The following CEP89 variants were observed in gnomAD, a reference collection of about 807,000 sequenced individuals.
CEP89 encodes centrosomal protein 89.
A neutral mutation model predicts 97.6 loss-of-function variants in CEP89; 95 were observed. The ratio of observed to expected loss-of-function variants is 0.97; its 90% CI spans 0.82 to 1.15. CEP89 has a LOEUF of 1.15. Among genes scored for constraint, CEP89 ranks in the 50% most tolerant of loss-of-function variants. The pLI is 0.00. For synonymous variants in CEP89, 354 were observed against 349.1 expected, an observed-to-expected ratio of 1.01 and a Z score of -0.16; for missense variants, 869 against 947.7, an observed-to-expected ratio of 0.92 and a Z score of 1.09.
intron 12 of CEP89, among the ~76,000 whole-genome samples, chr19:32,919,244 C>T (rs1430156449): frequency 6.6e-6 from 1 of 152,116 alleles, no homozygotes; most frequent in African/African-American, 2.4e-5. Context: ...ACAAACAAAT[C>T]CTCTCCTTCC....
intron 4 of CEP89, among the ~76,000 whole-genome samples, chr19:32,950,385 C>T (rs186289556): frequency 9.9e-5 from 15 of 152,212 alleles, no homozygotes; most frequent in Admixed American, 3.9e-4. Context: ...ATGGAGAAAC[C>T]TTGTCTCTAC....
chr19:32,969,023 G>A (rs1472263534), intron 1 of CEP89: 1 of 152,174 alleles, frequency 6.6e-6, no homozygotes, highest in East Asian at 1.9e-4. Flanking sequence ...ACAGAGAGGA[G>A]GCCCTGGAGA....
intron 14 of CEP89, among the ~76,000 whole-genome samples, chr19:32,902,010 C>CTCTCTCTGTGTGTGTGTGTGTGTGTG (rs1207481256): frequency 7.5e-6 from 1 of 133,732 alleles, no homozygotes; most frequent in Non-Finnish European, 1.6e-5. Flanking sequence ...CTCTCTCTCT[C>CTCTCTCTGTGTGTGTGTGTGTGTGTG]TGTGTGTGTG....
intron 2 of CEP89, among the ~76,000 whole-genome samples, chr19:32,964,080 C>T (rs1349886568): frequency 6.6e-6 from 1 of 152,052 alleles, no homozygotes; most frequent in Non-Finnish European, 1.5e-5. Context: ...AATAGTTTGA[C>T]AGTTCCTTAA....
intron 12 of CEP89, among the ~76,000 whole-genome samples, chr19:32,922,916 G>T (rs1178264697): frequency 6.6e-6 from 1 of 152,056 alleles, no homozygotes; most frequent in Non-Finnish European, 1.5e-5. Context: ...CAGTGCTATA[G>T]ACAAGTGCCA....
intron 1 of CEP89, chr19:32,971,407 A>T (rs1971405742): frequency 2.3e-6 from 1 of 436,798 alleles, no homozygotes; most frequent in Non-Finnish European, 4.1e-6. Context: ...CGCCGGGCAC[A>T]GTGGCTCACG....
At chr19:32,907,425 T>C (rs1016281013) in intron 14 of CEP89, among the ~76,000 whole-genome samples, 12 of 151,790 alleles carry the variant, frequency 7.9e-5, no homozygotes, top group Admixed American at 7.2e-4. Context: ...CCATAAATGC[T>C]TTCCCTCCAA....
intron 14 of CEP89, among the ~76,000 whole-genome samples, chr19:32,914,796 C>G (rs1970085222): frequency 6.6e-6 from 1 of 152,016 alleles, no homozygotes; most frequent in Admixed American, 6.6e-5. Flanking sequence ...TCAAGGCAGG[C>G]AGATCACTTG....
intron 5 of CEP89, 109 bp downstream of exon 5, chr19:32,948,157 C>A: frequency 1.8e-6 from 1 of 570,904 alleles, no homozygotes; most frequent in Non-Finnish European, 3.1e-6. Context: ...GTTAAAATCA[C>A]AGAGCTACAG....
At chr19:32,886,083 G>T (rs1969388775) in intron 17 of CEP89, among the ~76,000 whole-genome samples, 1 of 151,964 alleles carries the variant, frequency 6.6e-6, no homozygotes, top group South Asian at 2.1e-4. Context: ...TTTCTTCCTG[G>T]CTCTGACTGC....
At chr19:32,883,394 C>G in intron 17 of CEP89, among the ~76,000 whole-genome samples, 1 of 152,070 alleles carries the variant, frequency 6.6e-6, no homozygotes, top group East Asian at 1.9e-4. Flanking sequence ...TGGCTCACGC[C>G]TGTAATCCCA....
At chr19:32,903,816 A>G (rs1402628214) in intron 14 of CEP89, among the ~76,000 whole-genome samples, 1 of 152,200 alleles carries the variant, frequency 6.6e-6, no homozygotes, top group Non-Finnish European at 1.5e-5. Context: ...AACTTGATGA[A>G]AAATACACAC....
rs778707403 is a variant in CEP89 at position 32,915,435 on chromosome 19, C to T, written c.1467G>A (p.Gln489=). ...QEKELAENRE[Q]LEILRAKCQE... ...GGCATTTGGCACGTAAAATCTCCAGCTGTTCCCTGTTCTCCGCCAGCTCCT... is the reference window on the plus strand; with the variant it reads ...GGCATTTGGCACGTAAAATCTCCAGTTGTTCCCTGTTCTCCGCCAGCTCCT... Residue 489 remains glutamine (Q), a synonymous_variant, in exon 14 of 19, where the codon CAG becomes CAA. Transcript: ENST00000305768. 1 of 1,613,950 alleles carries T rather than the reference C, an allele frequency of 6.2e-7. No homozygotes were observed. The highest frequency in any genetic ancestry group is 8.5e-7 in the Non-Finnish European group (1 of 1,179,982).
intron 14 of CEP89, among the ~76,000 whole-genome samples, chr19:32,904,494 G>C (rs1412486012): frequency 1.3e-5 from 2 of 151,946 alleles, no homozygotes; most frequent in African/African-American, 4.8e-5. Context: ...ACATCTATTT[G>C]TGAAGCTTTG....
chr19:32,926,867 T>A, intron 10 of CEP89, 67 bp downstream of exon 10: 5 of 1,424,410 alleles, frequency 3.5e-6, no homozygotes, highest in Non-Finnish European at 3.9e-6. Flanking sequence ...TGGCCTGAAA[T>A]GGTTTTTAAT....
chr19:32,939,845 A>C lies in CEP89; in HGVS notation c.624+12T>G, dbSNP rs1278346677. The C allele has an allele frequency of 8.4e-7, 1 of 1,183,846 alleles. No homozygotes were observed. The highest frequency in any genetic ancestry group is 1.5e-5 in the African/African-American group (1 of 65,086). The allele number at this position is 1,183,846 out of a possible 1,614,324, so 73.3% of individuals were successfully genotyped here. ...TATTGAGAAAATCAGTTTTTAAAAAAAATGATCTTACCTTTAAATTCAGAA... is the reference window on the plus strand; with the variant it reads ...TATTGAGAAAATCAGTTTTTAAAAACAATGATCTTACCTTTAAATTCAGAA... On this transcript the variant is annotated intron_variant, in intron 6 of 18. Transcript: ENST00000305768.
intron 17 of CEP89, among the ~76,000 whole-genome samples, chr19:32,887,420 A>G (rs1969422638): frequency 6.6e-6 from 1 of 151,826 alleles, no homozygotes; most frequent in African/African-American, 2.4e-5. Context: ...GGGTCTTGCT[A>G]TGTTACCAGA....
chr19:32,890,839 C>T (rs1182082764), intron 16 of CEP89, among the ~76,000 whole-genome samples: 2 of 152,136 alleles, frequency 1.3e-5, no homozygotes, highest in African/African-American at 4.8e-5. Flanking sequence ...GACCCAGGTT[C>T]CAGGTAGCTG....
At chr19:32,955,396 T>A (rs1688531649) in intron 3 of CEP89, among the ~76,000 whole-genome samples, 1 of 152,244 alleles carries the variant, frequency 6.6e-6, no homozygotes, top group South Asian at 2.1e-4. Flanking sequence ...GTGGGGTTTT[T>A]TTCCTTCACT....
Sources: allele counts gnomAD v4.1 joint callset (sites outside exome capture counted in the v4.1 genomes callset), GRCh38; gene constraint gnomAD v4.1.1; transcripts MANE v1.5; gene names NCBI Gene and HGNC (gene_info 2026-07-23, HGNC 2026-07-21).